DAPK2: variants seen among roughly 807,000 people sequenced by gnomAD.
The protein encoded by DAPK2 is death-associated protein kinase 2.
A neutral mutation model predicts 44.1 loss-of-function variants in DAPK2; 35 were observed. The ratio of observed to expected loss-of-function variants is 0.79; its 90% CI spans 0.61 to 1.05. The LOEUF (loss-of-function observed/expected upper bound fraction) is 1.05, where lower values mean the gene tolerates loss of function less well. DAPK2 is among the 50% of genes least tolerant of loss of function. DAPK2 has a pLI of 0.00. For missense variants in DAPK2, 453 were observed against 483.2 expected, an observed-to-expected ratio of 0.94 and a Z score of 0.59; for synonymous variants, 174 against 182.6, an observed-to-expected ratio of 0.95 and a Z score of 0.38.
intron 1 of DAPK2, among the ~76,000 whole-genome samples, chr15:63,995,402 C>T (rs2078926633): frequency 6.6e-6 from 1 of 152,166 alleles, no homozygotes; most frequent in Admixed American, 6.5e-5. Flanking sequence ...TTTTCCCTAA[C>T]TGATTTTCTT....
At chr15:63,991,114 C>CAGAT in intron 1 of DAPK2, 1 of 400,692 alleles carries the variant, frequency 2.5e-6, no homozygotes, top group Non-Finnish European at 5.0e-6. Flanking sequence ...AGCAAGGGAC[C>CAGAT]AGATATTCAG....
At chr15:64,043,241 G>T (rs2080388181), upstream of DAPK2, among the ~76,000 whole-genome samples, 1 of 152,192 alleles carries the variant, frequency 6.6e-6, no homozygotes, top group African/African-American at 2.4e-5. Context: ...AAACTGTTCA[G>T]CAATTTCTTT....
upstream of DAPK2, among the ~76,000 whole-genome samples, chr15:64,042,129 A>C (rs1278966124): frequency 3.9e-5 from 6 of 152,188 alleles, no homozygotes; most frequent in Admixed American, 3.9e-4. This position sits in a 1 kb window ranked among gnomAD's most constrained non-coding sequence, Gnocchi z 4.7. Context: ...GATACTATCT[A>C]TATCACATAC....
intron 1 of DAPK2, among the ~76,000 whole-genome samples, chr15:64,025,678 A>C (rs1251287609): frequency 6.6e-6 from 1 of 152,252 alleles, no homozygotes; most frequent in Non-Finnish European, 1.5e-5. Flanking sequence ...CCAAGAAGCA[A>C]AATGTAGGAT....
Position 64,046,201 on chromosome 15 carries a change from G to T in DAPK2, c.-7+97C>A. ...CCCGGGATCTGCGAGCGAGTGCCCCGGATCTCTTCGCCCCGCCAGCCCCAG... is the reference window on the plus strand; with the variant it reads ...CCCGGGATCTGCGAGCGAGTGCCCCTGATCTCTTCGCCCCGCCAGCCCCAG... On this transcript the variant is annotated intron_variant, in intron 1 of 11. Coordinates refer to the DAPK2 transcript ENST00000457488. The surrounding 1 kb of genome is among the most constrained non-coding windows in gnomAD (Gnocchi z 5.3). The T allele has an allele frequency of 2.4e-6, 1 of 423,018 alleles. No individual in the cohort carries two copies. The highest frequency in any genetic ancestry group is 3.2e-6 in the Non-Finnish European group (1 of 315,104). 26.2% of individuals were successfully genotyped at this position (423,018 alleles called of 1,614,324 possible). A position where few individuals can be genotyped will look rare whatever the true frequency, so the allele number is the denominator to read the frequency against.
chr15:64,017,605 A>G (rs1244650064), intron 1 of DAPK2, among the ~76,000 whole-genome samples: 4 of 152,220 alleles, frequency 2.6e-5, no homozygotes, highest in Non-Finnish European at 4.4e-5. Flanking sequence ...CTCAACTATG[A>G]TGCTGCCTCT....
chr15:63,938,254 T>G (rs1327780608), intron 4 of DAPK2, among the ~76,000 whole-genome samples: 2 of 152,226 alleles, frequency 1.3e-5, no homozygotes. Context: ...TCAGCTCCAC[T>G]GCCTACTGGT....
At chr15:63,998,169 A>G (rs2078997182) in intron 1 of DAPK2, among the ~76,000 whole-genome samples, 2 of 152,206 alleles carry the variant, frequency 1.3e-5, no homozygotes, top group South Asian at 4.1e-4. Flanking sequence ...TGAAGCAGTC[A>G]GACAGTGAGT....
At chr15:63,991,511 C>T (rs2078817966) in intron 1 of DAPK2, among the ~76,000 whole-genome samples, 1 of 152,208 alleles carries the variant, frequency 6.6e-6, no homozygotes, top group Non-Finnish European at 1.5e-5. Context: ...GTGGAACCCT[C>T]TCTCAAATCT....
At chr15:63,949,994 G>T in intron 3 of DAPK2, among the ~76,000 whole-genome samples, 1 of 152,186 alleles carries the variant, frequency 6.6e-6, no homozygotes, top group Non-Finnish European at 1.5e-5. Context: ...TGCTGTGACT[G>T]CTGATAGAAA....
At chr15:63,992,550 T>C (rs1417991639) in intron 1 of DAPK2, among the ~76,000 whole-genome samples, 1 of 152,182 alleles carries the variant, frequency 6.6e-6, no homozygotes, top group East Asian at 1.9e-4. Flanking sequence ...AGCCTGGGCA[T>C]GAAAGAACTA....
At chr15:64,045,096 G>A (rs2080429728), upstream of DAPK2, among the ~76,000 whole-genome samples, 1 of 152,204 alleles carries the variant, frequency 6.6e-6, no homozygotes, top group Admixed American at 6.5e-5. Context: ...TGGGAAGCCT[G>A]CTTGTTCACC....
chr15:63,985,121 C>T (rs1011244106), intron 1 of DAPK2, among the ~76,000 whole-genome samples: 3 of 152,218 alleles, frequency 2.0e-5, no homozygotes, highest in African/African-American at 7.2e-5. Flanking sequence ...CACTACGGGG[C>T]AGGGACCAAA....
chr15:63,980,843 G>A lies in DAPK2; in HGVS notation c.314+2690C>T, dbSNP rs181331821. ...GGTGGCTCACGCCTGTAATCCCAAC[G>A]CTTTGGGAGGCCAAGGCAGGCGGAT... On this transcript the variant is annotated intron_variant, in intron 2 of 10. Coordinates refer to ENST00000261891, the Ensembl canonical transcript of DAPK2. This position sits in a 1 kb window ranked among gnomAD's most constrained non-coding sequence, Gnocchi z 4.3. 4.6e-5 allele frequency among the ~76,000 whole-genome samples: 7 copies of A among 152,118 alleles called. No homozygotes were observed. Among genetic ancestry groups the A allele is most frequent in the East Asian group, 3.9e-4 (2 of 5,192 alleles).
At chr15:64,038,767 C>T (rs1816410803) in intron 1 of DAPK2, among the ~76,000 whole-genome samples, 1 of 151,832 alleles carries the variant, frequency 6.6e-6, no homozygotes, top group Admixed American at 6.6e-5. Context: ...CTGTTGGATA[C>T]AGTAGACACT....
chr15:63,907,960 T>C (rs1251500701), exon 11 of DAPK2: 2 of 152,234 alleles, frequency 1.3e-5, no homozygotes, highest in East Asian at 3.9e-4. Flanking sequence ...TGAGCAAAAT[T>C]ACAACATGGC....
intron 3 of DAPK2, among the ~76,000 whole-genome samples, chr15:63,952,454 A>C (rs2077616200): frequency 6.6e-6 from 1 of 152,110 alleles, no homozygotes; most frequent in Non-Finnish European, 1.5e-5. Flanking sequence ...AGGAGAAGAG[A>C]GGCCAGGGTA....
intron 1 of DAPK2, among the ~76,000 whole-genome samples, chr15:64,022,105 T>C (rs2079700298): frequency 6.6e-6 from 1 of 152,160 alleles, no homozygotes. Flanking sequence ...GGAAACATAT[T>C]AGAAACACAA....
At chr15:63,914,868 T>C (rs2078887154) in intron 8 of DAPK2, among the ~76,000 whole-genome samples, 1 of 152,128 alleles carries the variant, frequency 6.6e-6, no homozygotes, top group Admixed American at 6.5e-5. Flanking sequence ...CAAGCCAACT[T>C]CCCCCATGAT....
Sources: gnomAD v4.1 joint callset for allele counts (sites outside exome capture counted in the v4.1 genomes callset) on GRCh38, gnomAD v4.1.1 for gene constraint, Gnocchi (gnomAD v3.1) non-coding constraint, MANE v1.5 for transcripts, NCBI Gene and HGNC (gene_info 2026-07-23, HGNC 2026-07-21) for gene names.